MSR1: variants seen among roughly 807,000 people sequenced by gnomAD.
MSR1 encodes the protein macrophage scavenger receptor 1.
Under a neutral mutation model 47.2 loss-of-function variants are expected in MSR1, and 53 were observed. That is an observed-to-expected ratio of 1.12 (90% CI 0.90 to 1.41). The LOEUF (loss-of-function observed/expected upper bound fraction) is 1.41. Ranked by LOEUF, MSR1 falls within the 40% of genes most tolerant of loss-of-function variation. The probability of loss-of-function intolerance (pLI) is 0.00; values close to 1 mark genes in which losing one functional copy is unlikely to be tolerated. For synonymous variants in MSR1, 239 were observed against 185.6 expected, an observed-to-expected ratio of 1.29 and a Z score of -2.34; for missense variants, 786 against 546.9, an observed-to-expected ratio of 1.44 and a Z score of -4.36.
chr8:16,188,449 A>C (rs181342445), intron 1 of MSR1, among the ~76,000 whole-genome samples: 1 of 152,200 alleles, frequency 6.6e-6, no homozygotes, highest in Non-Finnish European at 1.5e-5. Context: ...CGTTTTCCTT[A>C]AAATCACCTC....
intron 1 of MSR1, among the ~76,000 whole-genome samples, chr8:16,186,903 T>C (rs940019823): frequency 1.3e-5 from 2 of 152,108 alleles, no homozygotes; most frequent in South Asian, 4.1e-4. Flanking sequence ...ACATGAGCTA[T>C]TGAGCATGGC....
intron 7 of MSR1, among the ~76,000 whole-genome samples, chr8:16,144,298 C>A (rs1265366870): frequency 1.3e-5 from 2 of 152,002 alleles, no homozygotes; most frequent in Non-Finnish European, 2.9e-5. Flanking sequence ...TGCAGGAGAT[C>A]TTTCTTTAGT....
Position 16,166,482 on chromosome 8 carries a change from C to T in MSR1, c.630+1976G>A, listed in dbSNP as rs1487655758. 3.3e-5 allele frequency among the ~76,000 whole-genome samples: 5 copies of T among 152,088 alleles called. No individual in the cohort carries two copies. In the East Asian group the frequency reaches 9.7e-4, roughly 29 times the overall value. ...GGCAGCTGAGGCTGCCTTATTATTC[C>T]CTTCTTTGAAAACTGCACATGGTGT... On this transcript the variant is annotated intron_variant, in intron 4 of 9. Transcript: ENST00000262101.
intron 1 of MSR1, among the ~76,000 whole-genome samples, chr8:16,179,003 A>G (rs921073266): frequency 2.0e-5 from 3 of 152,188 alleles, no homozygotes; most frequent in African/African-American, 7.2e-5. Flanking sequence ...CTTACCCATA[A>G]GTTTTAACTT....
At chr8:16,120,049 T>A (rs1799961245) in intron 9 of MSR1, among the ~76,000 whole-genome samples, 1 of 151,910 alleles carries the variant, frequency 6.6e-6, no homozygotes, top group African/African-American at 2.4e-5. Flanking sequence ...TTATTCTCTG[T>A]CTTTAGAGAA....
At chr8:16,186,234 G>A in intron 1 of MSR1, 1 of 1,529,900 alleles carries the variant, frequency 6.5e-7, no homozygotes. Context: ...TTATTTCTGG[G>A]TATTCCTCCT....
intron 2 of MSR1, among the ~76,000 whole-genome samples, chr8:16,176,908 A>T (rs1801665800): frequency 6.6e-6 from 1 of 152,176 alleles, no homozygotes; most frequent in African/African-American, 2.4e-5. Context: ...TTTGCTATGT[A>T]AGAACTCATA....
At chr8:16,142,553 T>C (rs1215114963) in intron 8 of MSR1, among the ~76,000 whole-genome samples, 1 of 152,190 alleles carries the variant, frequency 6.6e-6, no homozygotes, top group Non-Finnish European at 1.5e-5. Flanking sequence ...ACTACTCTAA[T>C]GGCTGGTATT....
chr8:16,131,591 C>G (rs1399679630), intron 8 of MSR1, among the ~76,000 whole-genome samples: 1 of 151,616 alleles, frequency 6.6e-6, no homozygotes, highest in Non-Finnish European at 1.5e-5. Context: ...CATAGGTTAT[C>G]TTTCAGAGTT....
At chr8:16,185,906 T>A (rs1269103086) in intron 1 of MSR1, among the ~76,000 whole-genome samples, 4 of 143,818 alleles carry the variant, frequency 2.8e-5, no homozygotes, top group African/African-American at 1.0e-4. Flanking sequence ...AGTGGGTGAG[T>A]AGAGGAAGAA....
chr8:16,182,357 C>T (rs1212658378), intron 1 of MSR1, among the ~76,000 whole-genome samples: 2 of 152,094 alleles, frequency 1.3e-5, no homozygotes, highest in Non-Finnish European at 2.9e-5. Context: ...AAACATTGCA[C>T]ACTTAAGCTA....
At chr8:16,175,493 G>A (rs1801619845) in intron 2 of MSR1, among the ~76,000 whole-genome samples, 193 bp from the exon 3 acceptor site, 1 of 152,176 alleles carries the variant, frequency 6.6e-6, no homozygotes, top group Admixed American at 6.5e-5. Context: ...ATCATTATAG[G>A]CACTTGACTG....
intron 5 of MSR1, among the ~76,000 whole-genome samples, chr8:16,161,764 A>G (rs1228439381): frequency 2.0e-5 from 3 of 151,898 alleles, no homozygotes; most frequent in African/African-American, 7.2e-5. Flanking sequence ...GTCTATATAT[A>G]GTTTTCTGGG....
intron 4 of MSR1, among the ~76,000 whole-genome samples, chr8:16,168,038 T>C (rs1158185130): frequency 6.6e-6 from 1 of 152,056 alleles, no homozygotes; most frequent in African/African-American, 2.4e-5. Context: ...GGACCATGTA[T>C]AAGTTCAAAA....
chr8:16,181,159 A>G (rs1279165984), intron 1 of MSR1, among the ~76,000 whole-genome samples: 1 of 152,176 alleles, frequency 6.6e-6, no homozygotes, highest in Non-Finnish European at 1.5e-5. Context: ...AACTTAGCAA[A>G]ATTCACTTTA....
intron 5 of MSR1, among the ~76,000 whole-genome samples, chr8:16,162,149 T>C (rs1293853774): frequency 6.6e-6 from 1 of 151,932 alleles, no homozygotes; most frequent in Admixed American, 6.6e-5. Flanking sequence ...TAAGTAAAAC[T>C]GCAGATATGA....
intron 9 of MSR1, among the ~76,000 whole-genome samples, chr8:16,114,654 T>G (rs1338774781): frequency 2.0e-5 from 3 of 152,098 alleles, no homozygotes; most frequent in African/African-American, 7.2e-5. Context: ...TTGTTTTGTC[T>G]AGTCAGAAAA....
At chr8:16,156,454 T>G (rs898016768) in intron 5 of MSR1, among the ~76,000 whole-genome samples, 6 of 151,968 alleles carry the variant, frequency 3.9e-5, no homozygotes, top group Non-Finnish European at 8.8e-5. Flanking sequence ...TCTATTCCTC[T>G]GGTATGTCCC....
chr8:16,154,301 C>A (rs568607041), intron 6 of MSR1, among the ~76,000 whole-genome samples: 1 of 152,014 alleles, frequency 6.6e-6, no homozygotes, highest in South Asian at 2.1e-4. Flanking sequence ...TACCATCAAA[C>A]GGCATGCAGG....
Sources: allele counts gnomAD v4.1 joint callset (sites outside exome capture counted in the v4.1 genomes callset), GRCh38; gene constraint gnomAD v4.1.1; transcripts MANE v1.5; gene names NCBI Gene and HGNC (gene_info 2026-07-23, HGNC 2026-07-21).